The following GPC6 variants were observed in gnomAD, a reference collection of about 807,000 sequenced individuals.
The protein encoded by GPC6 is glypican 6.
GPC6 carries 14 observed loss-of-function variants against 55.2 expected under a neutral mutation model. The ratio of observed to expected loss-of-function variants is 0.25; its 90% confidence interval spans 0.17 to 0.40. GPC6 has a LOEUF of 0.40. GPC6 is among the 10% of genes least tolerant of loss of function. The pLI, the probability that GPC6 is intolerant of heterozygous loss-of-function variation, is 1.00. For missense variants in GPC6, 641 were observed against 708.5 expected (o/e 0.90, Z 1.08); for synonymous variants, 278 against 259.6 (o/e 1.07, Z -0.68).
intron 1 of GPC6, among the ~76,000 whole-genome samples, chr13:93,476,338 C>T (rs1016397055): frequency 5.3e-5 from 8 of 151,952 alleles, no homozygotes; most frequent in Non-Finnish European, 7.4e-5. Flanking sequence ...ATAATATAAA[C>T]GTAGCCACTG....
chr13:94,403,285 C>A lies in GPC6; in HGVS notation c.*68C>A. On this transcript the variant is annotated 3_prime_UTR_variant, in exon 9 of 9. Coordinates refer to ENST00000377047, the MANE Select transcript of GPC6 (RefSeq NM_005708.5). ...AATGGCCAACTCACTTCTTTTCTTA[C>A]ACTCTTGGACAATGGACCATGCCAC... The A allele has an allele frequency of 9.0e-7, 1 of 1,108,834 alleles. No homozygotes were observed. Among genetic ancestry groups the A allele is most frequent in the Non-Finnish European group, 1.4e-6 (1 of 738,920 alleles). 68.7% of individuals were successfully genotyped at this position (1,108,834 alleles called of 1,614,324 possible).
chr13:93,411,096 C>T (rs1876478599), intron 1 of GPC6, among the ~76,000 whole-genome samples: 1 of 152,194 alleles, frequency 6.6e-6, no homozygotes, highest in Non-Finnish European at 1.5e-5. Context: ...AGAGAGATTA[C>T]ATTTTTAGTT....
intron 4 of GPC6, among the ~76,000 whole-genome samples, chr13:94,106,925 G>A (rs1886074816): frequency 6.6e-6 from 1 of 152,114 alleles, no homozygotes; most frequent in African/African-American, 2.4e-5. Flanking sequence ...ATAAGTAGTG[G>A]GTTCAGTCAT....
chr13:93,789,074 A>C (rs914356387), intron 2 of GPC6, among the ~76,000 whole-genome samples: 1 of 152,100 alleles, frequency 6.6e-6, no homozygotes, highest in East Asian at 1.9e-4. Context: ...AAAAGAAAAA[A>C]ATCAAGGATA....
intron 2 of GPC6, among the ~76,000 whole-genome samples, chr13:93,773,986 A>G (rs187430471): frequency 6.6e-6 from 1 of 152,340 alleles, no homozygotes; most frequent in East Asian, 1.9e-4. Context: ...GAGATCAGAC[A>G]GTCAGAAGAA....
intron 1 of GPC6, among the ~76,000 whole-genome samples, chr13:93,471,500 G>A (rs956087948): frequency 6.6e-5 from 10 of 152,006 alleles, no homozygotes; most frequent in South Asian, 2.1e-4. Flanking sequence ...CACGCTGGGC[G>A]ACAGAGCGAG....
At chr13:93,699,510 G>C (rs1882596325) in intron 2 of GPC6, among the ~76,000 whole-genome samples, 2 of 152,042 alleles carry the variant, frequency 1.3e-5, no homozygotes, top group African/African-American at 2.4e-5. Flanking sequence ...GTGTCATCTT[G>C]ATAGACCCAT....
intron 4 of GPC6, among the ~76,000 whole-genome samples, chr13:94,098,825 A>G (rs1885753626): frequency 6.6e-6 from 1 of 152,190 alleles, no homozygotes; most frequent in Non-Finnish European, 1.5e-5. Context: ...CAATAAGAGT[A>G]TTATATATAT....
rs57049919 is a variant in GPC6, at chr13:93,272,490, GTGTATATATA to G, written c.160+44876_160+44885del. 8.1e-3 allele frequency among the ~76,000 whole-genome samples: 775 copies of G among 95,416 alleles called. 7 individuals are homozygous for G. The highest frequency in any genetic ancestry group is 0.03 in the African/African-American group (676 of 22,506). 62.6% of individuals were successfully genotyped at this position (95,416 alleles called of 152,430 possible). On this transcript the variant is annotated intron_variant, in intron 1 of 8. Transcript: ENST00000377047. ...AAGAATGAGGTGATTCATTGTCTGT[GTGTATATATA>G]TATATATATATATATATATAACTTA...
chr13:93,247,144 A>T (rs1876631527), intron 1 of GPC6, among the ~76,000 whole-genome samples: 1 of 152,162 alleles, frequency 6.6e-6, no homozygotes, highest in Non-Finnish European at 1.5e-5. Flanking sequence ...GAGATACCTA[A>T]TTCTTTAAAG....
At chr13:93,826,364 G>T (rs2138974185) in intron 2 of GPC6, among the ~76,000 whole-genome samples, 1 of 152,238 alleles carries the variant, frequency 6.6e-6, no homozygotes, top group South Asian at 2.1e-4. Context: ...GAAGGAAACA[G>T]CATACCTGCT....
intron 1 of GPC6, among the ~76,000 whole-genome samples, chr13:93,524,737 T>C (rs906535132): frequency 3.3e-5 from 5 of 152,114 alleles, no homozygotes; most frequent in African/African-American, 1.2e-4. Flanking sequence ...CTCAGCTACA[T>C]GTGCTTTCTG....
chr13:94,213,059 G>A (rs113710221), intron 4 of GPC6, among the ~76,000 whole-genome samples: 8,140 of 152,236 alleles, frequency 0.053, 256 homozygotes, highest in East Asian at 0.12. Context: ...GGGAGGCTGA[G>A]GCAGGAGAAT....
intron 1 of GPC6, among the ~76,000 whole-genome samples, chr13:93,369,922 A>T (rs1012045667): frequency 5.3e-5 from 8 of 152,162 alleles, no homozygotes; most frequent in African/African-American, 1.9e-4. Flanking sequence ...AAGCTAACTG[A>T]CAAGTGATTA....
chr13:93,339,192 T>A (rs1880149515), intron 1 of GPC6, among the ~76,000 whole-genome samples: 1 of 152,182 alleles, frequency 6.6e-6, no homozygotes, highest in Non-Finnish European at 1.5e-5. Context: ...AGAACAAATT[T>A]GTTCCTCCTC....
chr13:93,746,370 A>G (rs1884400812), intron 2 of GPC6, among the ~76,000 whole-genome samples: 1 of 152,156 alleles, frequency 6.6e-6, no homozygotes, highest in East Asian at 1.9e-4. Context: ...GCATACATAC[A>G]TTCATGAAGA....
chr13:93,295,723 C>T (rs7358949), intron 1 of GPC6, among the ~76,000 whole-genome samples: 1,923 of 151,712 alleles, frequency 0.013, 45 homozygotes, highest in African/African-American at 0.044. Flanking sequence ...CCTTGTGATC[C>T]GCCCACCTTG....
At chr13:93,553,250 T>A (rs985783964) in intron 2 of GPC6, among the ~76,000 whole-genome samples, 3 of 152,100 alleles carry the variant, frequency 2.0e-5, no homozygotes. Context: ...GTTCCTTTTT[T>A]TTTCCAAAAC....
At chr13:94,137,787 T>A (rs1292467071) in intron 4 of GPC6, among the ~76,000 whole-genome samples, 1 of 152,180 alleles carries the variant, frequency 6.6e-6, no homozygotes, top group Admixed American at 6.5e-5. Context: ...TCAGGTGCAG[T>A]GTTTTAACCT....
Sources: allele counts gnomAD v4.1 joint callset (sites outside exome capture counted in the v4.1 genomes callset), GRCh38; gene constraint gnomAD v4.1.1; transcripts MANE v1.5; gene names NCBI Gene and HGNC (gene_info 2026-07-23, HGNC 2026-07-21).